The following ERC1 variants were observed in gnomAD, a reference collection of about 807,000 sequenced individuals.
ERC1 encodes the protein ELKS/RAB6-interacting/CAST family member 1.
In ERC1, 56 loss-of-function variants were observed where a neutral mutation model predicts 132.0. The observed-to-expected ratio is 0.42, with a 90% CI of 0.34 to 0.53. The LOEUF (loss-of-function observed/expected upper bound fraction) is 0.53, where lower values mean the gene tolerates loss of function less well. Ranked by LOEUF, ERC1 falls within the 20% of genes least tolerant of loss-of-function variation. The probability of loss-of-function intolerance (pLI) is 0.03; values close to 1 mark genes in which losing one functional copy is unlikely to be tolerated. For missense variants in ERC1, 1,202 were observed against 1,349.9 expected (o/e 0.89, Z 1.72); for synonymous variants, 478 against 476.1 (o/e 1.00, Z -0.05).
intron 15 of ERC1, among the ~76,000 whole-genome samples, chr12:1,359,352 A>G (rs1392381132): frequency 2.0e-5 from 3 of 152,212 alleles, no homozygotes; most frequent in Non-Finnish European, 4.4e-5. Flanking sequence ...ACTGTAAGGA[A>G]CAGTCTAAGA....
Position 1,141,647 on chromosome 12 carries a change from G to A in ERC1, c.1597G>A (p.Glu533Lys), listed in dbSNP as rs1949875194. ...GGATGCTCTCCGATTGCGTTTGGAA[G>A]AGAAGGAAACCATGTTGAATAAAAA... ...EVDALRLRLE[E>K]KETMLNKKTK... Residue 533 changes from glutamate (E) to lysine (K), a missense_variant, in exon 8 of 19, where the codon GAG becomes AAG. By Grantham distance (56) the Glu-to-Lys change is moderately conservative. Coordinates refer to ENST00000360905, the MANE Select transcript of ERC1 (RefSeq NM_178040.4). 2 of 1,612,008 alleles carry A rather than the reference G, an allele frequency of 1.2e-6. No individual in the cohort carries two copies.
rs1306769729 is a variant in ERC1 at position 1,104,669 on chromosome 12, A to G, written c.1087-81A>G. On this transcript the variant is annotated intron_variant, in intron 3 of 18. Transcript: ENST00000360905. ...TCATAAGGCTGTAGTGATCTTTTGC[A>G]TACATCGGCTCTCACTCCTCTTTGA... The G allele has an allele frequency of 1.4e-5, 13 of 941,632 alleles. No individual in the cohort carries two copies. The East Asian group carries it at 2.6e-4, about 19-fold the overall frequency. 58.3% of individuals were successfully genotyped at this position (941,632 alleles called of 1,614,324 possible).
chr12:1,108,386 A>C (rs1283690304), intron 4 of ERC1, among the ~76,000 whole-genome samples: 1 of 152,176 alleles, frequency 6.6e-6, no homozygotes, highest in African/African-American at 2.4e-5. Flanking sequence ...TGGAGTTCTT[A>C]CCTGGGACTA....
intron 3 of ERC1, among the ~76,000 whole-genome samples, chr12:1,095,156 G>A (rs1173529413): frequency 6.6e-6 from 1 of 152,114 alleles, no homozygotes; most frequent in African/African-American, 2.4e-5. Context: ...TTTCTCAGGC[G>A]TGGTGGCTCA....
At chr12:1,218,659 T>G (rs910380875) in intron 12 of ERC1, among the ~76,000 whole-genome samples, 1 of 152,048 alleles carries the variant, frequency 6.6e-6, no homozygotes, top group African/African-American at 2.4e-5. Flanking sequence ...TCAGCATCAT[T>G]CTACACATTT....
At chr12:1,296,181 A>AGCCAGGT (rs1247819910) in intron 15 of ERC1, among the ~76,000 whole-genome samples, 2 of 152,096 alleles carry the variant, frequency 1.3e-5, no homozygotes, top group African/African-American at 4.8e-5. Flanking sequence ...TTTAAATACC[A>AGCCAGGT]GCCAGGTGTG....
chr12:1,092,129 G>T (rs964787726), intron 3 of ERC1, among the ~76,000 whole-genome samples: 27 of 151,940 alleles, frequency 1.8e-4, no homozygotes, highest in African/African-American at 6.3e-4. Context: ...CTCCCGAGTA[G>T]CTGGGATTAC....
At chr12:1,383,865 A>G (rs531505623) in intron 16 of ERC1, among the ~76,000 whole-genome samples, 2 of 152,310 alleles carry the variant, frequency 1.3e-5, no homozygotes, top group Non-Finnish European at 2.9e-5. Flanking sequence ...TGAGTTCTTT[A>G]TGTGAATTAA....
intron 15 of ERC1, among the ~76,000 whole-genome samples, chr12:1,308,515 A>G (rs566966430): frequency 6.6e-6 from 1 of 152,178 alleles, no homozygotes; most frequent in Non-Finnish European, 1.5e-5. Flanking sequence ...GAGGTTCCCA[A>G]CATTACTTGG....
chr12:1,280,649 G>A (rs1416969218), intron 14 of ERC1, among the ~76,000 whole-genome samples: 1 of 152,150 alleles, frequency 6.6e-6, no homozygotes, highest in East Asian at 1.9e-4. Context: ...AAGGGTTTTA[G>A]TCGCTTACAA....
intron 2 of ERC1, among the ~76,000 whole-genome samples, chr12:1,069,520 T>C (rs1242749300): frequency 1.3e-5 from 2 of 152,166 alleles, no homozygotes; most frequent in Non-Finnish European, 2.9e-5. Flanking sequence ...TAATAGTGAA[T>C]AAGTACAAAA....
intron 16 of ERC1, among the ~76,000 whole-genome samples, chr12:1,394,351 G>C (rs1034531468): frequency 1.3e-5 from 2 of 152,162 alleles, no homozygotes; most frequent in Non-Finnish European, 1.5e-5. Context: ...AGTGAGCCGA[G>C]ATTGCGCCAC....
chr12:1,471,505 G>T (rs538407165), intron 18 of ERC1, among the ~76,000 whole-genome samples: 38 of 152,340 alleles, frequency 2.5e-4, no homozygotes, highest in African/African-American at 8.9e-4. Flanking sequence ...TCTGGATTTT[G>T]TCCAGATAAC....
At chr12:1,260,382 C>G (rs908661339) in intron 13 of ERC1, among the ~76,000 whole-genome samples, 1 of 152,130 alleles carries the variant, frequency 6.6e-6, no homozygotes, top group Non-Finnish European at 1.5e-5. Context: ...GTGTTCTAAA[C>G]TTTACAGAAA....
chr12:1,429,115 A>G (rs1461532223), intron 17 of ERC1, among the ~76,000 whole-genome samples: 1 of 152,228 alleles, frequency 6.6e-6, no homozygotes, highest in Non-Finnish European at 1.5e-5. Flanking sequence ...TCATTGATAG[A>G]TAGTCACTAC....
intron 8 of ERC1, among the ~76,000 whole-genome samples, chr12:1,145,157 C>T (rs556466222): frequency 3.3e-5 from 5 of 152,092 alleles, no homozygotes; most frequent in African/African-American, 7.2e-5. Flanking sequence ...GCTGGGATTA[C>T]GGGTGCTCGC....
intron 17 of ERC1, among the ~76,000 whole-genome samples, chr12:1,439,966 A>G (rs2093056799): frequency 6.6e-6 from 1 of 152,150 alleles, no homozygotes; most frequent in Non-Finnish European, 1.5e-5. Flanking sequence ...GAGAGGCTTA[A>G]GTAGTTTTTT....
In ERC1 at chr12:1,493,379, AC is replaced by A. The variant is rs1355280957; in HGVS notation, c.*3150del. 5.8e-6 allele frequency: 1 copy of A among 173,508 alleles called. No homozygotes were observed. The highest frequency in any genetic ancestry group is 2.4e-5 in the African/African-American group (1 of 41,902). 10.7% of individuals were successfully genotyped at this position (173,508 alleles called of 1,614,324 possible). A position where few individuals can be genotyped will look rare whatever the true frequency, so the allele number is the denominator to read the frequency against. ...CCAAGATGGCAAAAACCCCGACTCT[AC>A]TAAAAATACAAAATTAGCCAGGCGT... On this transcript the variant is annotated 3_prime_UTR_variant, in exon 19 of 19. Transcript: ENST00000360905.
At chr12:1,069,440 A>G (rs1446740066) in intron 2 of ERC1, among the ~76,000 whole-genome samples, 1 of 152,184 alleles carries the variant, frequency 6.6e-6, no homozygotes, top group Non-Finnish European at 1.5e-5. Context: ...AAGGATCTAT[A>G]TAGATGGAGG....
Sources: allele counts gnomAD v4.1 joint callset (sites outside exome capture counted in the v4.1 genomes callset), GRCh38; gene constraint gnomAD v4.1.1; transcripts MANE v1.5; gene names NCBI Gene and HGNC (gene_info 2026-07-23, HGNC 2026-07-21).